PSD3: variants seen among roughly 807,000 people sequenced by gnomAD.
The protein encoded by PSD3 is PH and SEC7 domain-containing protein 3.
In PSD3, 49 loss-of-function variants were observed where a neutral mutation model predicts 105.5. The observed-to-expected ratio is 0.46, with a 90% CI of 0.37 to 0.59. The LOEUF is 0.59. PSD3 is among the 20% of genes least tolerant of loss of function. The pLI, the probability that PSD3 is intolerant of heterozygous loss-of-function variation, is 0.00. For missense variants in PSD3, 1,561 were observed against 1,263.8 expected, an observed-to-expected ratio of 1.24 and a Z score of -3.57; for synonymous variants, 557 against 457.8, an observed-to-expected ratio of 1.22 and a Z score of -2.77.
chr8:18,987,610 G>C (rs1214051111), intron 1 of PSD3, among the ~76,000 whole-genome samples: 1 of 151,870 alleles, frequency 6.6e-6, no homozygotes, highest in African/African-American at 2.4e-5. Context: ...TTGAAGCCAG[G>C]AGTTCAAGAC....
chr8:18,978,121 C>T (rs921446444), intron 1 of PSD3, among the ~76,000 whole-genome samples: 3 of 152,216 alleles, frequency 2.0e-5, no homozygotes, highest in Non-Finnish European at 4.4e-5. Flanking sequence ...GCCAGAATCT[C>T]GCCCCAGGTA....
At chr8:18,721,025 T>C (rs1802934110) in intron 9 of PSD3, 1 of 152,140 alleles carries the variant, frequency 6.6e-6, no homozygotes, top group Admixed American at 6.6e-5. Flanking sequence ...TTTACATCAC[T>C]AGCATTCTAC....
At chr8:18,758,692 C>G (rs1230400871) in intron 9 of PSD3, among the ~76,000 whole-genome samples, 1 of 152,014 alleles carries the variant, frequency 6.6e-6, no homozygotes, top group East Asian at 1.9e-4. Context: ...CTTTGCTGAT[C>G]TTTTGAGTCT....
chr8:18,923,546 T>C (rs950179667), intron 2 of PSD3, among the ~76,000 whole-genome samples: 3 of 152,192 alleles, frequency 2.0e-5, no homozygotes, highest in African/African-American at 7.2e-5. Context: ...CTTTTCTATG[T>C]TTAGACATAC....
chr8:18,633,039 T>C (rs1406205476), intron 10 of PSD3, among the ~76,000 whole-genome samples: 5 of 151,998 alleles, frequency 3.3e-5, no homozygotes, highest in Admixed American at 3.3e-4. Flanking sequence ...GATAAGGAAA[T>C]AGACTCAGTG....
At chr8:18,618,500 C>G (rs1805863004) in intron 11 of PSD3, among the ~76,000 whole-genome samples, 1 of 150,540 alleles carries the variant, frequency 6.6e-6, no homozygotes, top group Non-Finnish European at 1.5e-5. Flanking sequence ...TGATGAAATT[C>G]TATTGCTGTA....
At chr8:18,641,103 T>C (rs971028102) in intron 10 of PSD3, among the ~76,000 whole-genome samples, 4 of 152,226 alleles carry the variant, frequency 2.6e-5, no homozygotes, top group South Asian at 2.1e-4. Flanking sequence ...CTCTGCTCTG[T>C]GTATACACTC....
intron 11 of PSD3, among the ~76,000 whole-genome samples, chr8:18,617,781 C>T (rs1412371127): frequency 6.6e-6 from 1 of 152,148 alleles, no homozygotes; most frequent in East Asian, 1.9e-4. Flanking sequence ...ACTGACAAAA[C>T]AGACTCTTAG....
chr8:18,895,062 C>T (rs967408242), intron 2 of PSD3, among the ~76,000 whole-genome samples: 4 of 152,288 alleles, frequency 2.6e-5, no homozygotes, highest in East Asian at 1.9e-4. Flanking sequence ...AAGACACCAA[C>T]GGAAAACAGG....
At chr8:18,777,102 G>C (rs1209367836) in intron 8 of PSD3, among the ~76,000 whole-genome samples, 3 of 152,088 alleles carry the variant, frequency 2.0e-5, no homozygotes, top group African/African-American at 7.2e-5. Flanking sequence ...GAGTGCAGTG[G>C]AACGATCTTG....
chr8:18,677,208 A>C (rs916571495), intron 9 of PSD3, among the ~76,000 whole-genome samples: 23 of 152,190 alleles, frequency 1.5e-4, no homozygotes, highest in African/African-American at 5.3e-4. Context: ...GGAAATTAAG[A>C]GGTGGGCAGC....
intron 8 of PSD3, among the ~76,000 whole-genome samples, chr8:18,793,148 G>C (rs761409804): frequency 9.2e-5 from 14 of 152,038 alleles, no homozygotes; most frequent in Non-Finnish European, 1.8e-4. Flanking sequence ...ACACAGGGTG[G>C]GGAACATTGC....
At chr8:18,815,753 C>T (rs558610283) in intron 4 of PSD3, among the ~76,000 whole-genome samples, 1 of 122,930 alleles carries the variant, frequency 8.1e-6, no homozygotes, top group African/African-American at 3.1e-5. Context: ...CATGGCCGTA[C>T]GGTCTCACCT....
chr8:19,043,375 T>C (rs952427725), intron 1 of PSD3, among the ~76,000 whole-genome samples: 1 of 152,222 alleles, frequency 6.6e-6, no homozygotes, highest in East Asian at 1.9e-4. Context: ...TTAGTGTTTT[T>C]GGAGGGCTGA....
chr8:18,920,566 T>G (rs1480254237), intron 2 of PSD3, among the ~76,000 whole-genome samples: 1 of 152,234 alleles, frequency 6.6e-6, no homozygotes, highest in Non-Finnish European at 1.5e-5. Context: ...TTCTCTCGAT[T>G]TACATGGTAG....
rs1029744387 is a variant in PSD3 at position 18,872,885 on chromosome 8, C to T, written c.131-152G>A. 14 of 745,574 alleles carry T rather than the reference C, an allele frequency of 1.9e-5. No individual in the cohort carries two copies. The African/African-American group carries it at 2.0e-4, about 10-fold the overall frequency. The allele number at this position is 745,574 out of a possible 1,614,324, so 46.2% of individuals were successfully genotyped here. On this transcript the variant is annotated intron_variant, in intron 2 of 15. Transcript: ENST00000327040. ...TCCTCCCACCACCCTGTAACACACA[C>T]TCCTCATGACACTACAGTGATCCCT...
intron 9 of PSD3, among the ~76,000 whole-genome samples, chr8:18,683,399 A>G (rs1187938024): frequency 1.3e-5 from 2 of 152,214 alleles, no homozygotes; most frequent in African/African-American, 2.4e-5. Context: ...AATCATACAC[A>G]ATATCTCTGT....
chr8:18,553,196 G>A (rs374404421), intron 15 of PSD3, among the ~76,000 whole-genome samples: 2 of 152,272 alleles, frequency 1.3e-5, no homozygotes, highest in South Asian at 4.1e-4. Flanking sequence ...TGTGAAAATG[G>A]TAAGAATTGC....
chr8:18,764,974 C>T lies in PSD3; in HGVS notation c.2172+475G>A, dbSNP rs148346478. ...CATGCTGATGTTACCAATAATAAAG[C>T]CAAATGCAAATAATTCAGGCATTCT... On this transcript the variant is annotated intron_variant, in intron 9 of 15. Transcript: ENST00000327040. Among the ~76,000 whole-genome samples, 4 of 152,224 alleles carry T rather than the reference C, an allele frequency of 2.6e-5. No individual in the cohort carries two copies. The East Asian group carries it at 5.8e-4, about 22-fold the overall frequency.
Sources: allele counts gnomAD v4.1 joint callset (sites outside exome capture counted in the v4.1 genomes callset), GRCh38; gene constraint gnomAD v4.1.1; transcripts MANE v1.5; gene names NCBI Gene and HGNC (gene_info 2026-07-23, HGNC 2026-07-21).